LRP5: variants seen among roughly 807,000 people sequenced by gnomAD.
LRP5 encodes the protein LDL receptor related protein 5, also known as low-density lipoprotein receptor-related protein 5.
A neutral mutation model predicts 154.1 loss-of-function variants in LRP5; 62 were observed. The observed-to-expected ratio is 0.40, with a 90% CI of 0.33 to 0.50. LRP5 has a LOEUF of 0.50. LRP5 is among the 20% of genes least tolerant of loss of function. The probability of loss-of-function intolerance (pLI) is 0.55; values close to 1 mark genes in which losing one functional copy is unlikely to be tolerated. For missense variants in LRP5, 1,915 were observed against 2,336.7 expected (o/e 0.82, Z 3.72); for synonymous variants, 966 against 1,011.5 (o/e 0.96, Z 0.85).
intron 7 of LRP5, among the ~76,000 whole-genome samples, chr11:68,396,629 C>T (rs1417518545): frequency 9.2e-5 from 14 of 152,180 alleles, no homozygotes; most frequent in African/African-American, 2.2e-4. Flanking sequence ...GGAGCGGAGA[C>T]GGCGGATGGG....
At chr11:68,421,078 C>T (rs2098665311) in intron 13 of LRP5, among the ~76,000 whole-genome samples, 1 of 151,622 alleles carries the variant, frequency 6.6e-6, no homozygotes, top group Non-Finnish European at 1.5e-5. Flanking sequence ...TACCAAAAAA[C>T]TAGCCAGGTG....
rs1332968937 is a variant in LRP5, at chr11:68,353,109, CGAGCCAACTGTCCCTGTT to C, written c.489-4540_489-4523del. 2.6e-5 allele frequency among the ~76,000 whole-genome samples: 4 copies of C among 152,128 alleles called. No individual in the cohort carries two copies. Among genetic ancestry groups the C allele is most frequent in the African/African-American group, 9.7e-5 (4 of 41,408 alleles). On this transcript the variant is annotated intron_variant, in intron 2 of 22. Coordinates refer to ENST00000294304, the MANE Select transcript of LRP5 (RefSeq NM_002335.4). This position sits in a 1 kb window ranked among gnomAD's most constrained non-coding sequence, Gnocchi z 4.5. The stretch of plus-strand genomic sequence containing the variant: ...GCTGGCTTTGCCTGCATCATCTCTG[CGAGCCAACTGTCCCTGTT>C]TGGCTCTGGCTTTTCTTAACTATTT...
chr11:68,422,738 C>G (rs1565100002), intron 13 of LRP5, among the ~76,000 whole-genome samples: 2 of 151,882 alleles, frequency 1.3e-5, no homozygotes. Flanking sequence ...CACTCACCTG[C>G]CCCTACCCAC....
intron 7 of LRP5, among the ~76,000 whole-genome samples, chr11:68,398,688 T>G (rs1363880618): frequency 6.7e-6 from 1 of 148,894 alleles, no homozygotes; most frequent in African/African-American, 2.5e-5. Context: ...CCCATGAAAA[T>G]TATATGGAAT....
At chr11:68,343,639 C>T (rs747478211) in intron 1 of LRP5, among the ~76,000 whole-genome samples, 8 of 152,142 alleles carry the variant, frequency 5.3e-5, no homozygotes, top group Non-Finnish European at 4.4e-5. Flanking sequence ...CTGGGTGTGC[C>T]GCGGGTGTCC....
At chr11:68,308,075 T>C (rs1295857527), upstream of LRP5, among the ~76,000 whole-genome samples, 1 of 152,212 alleles carries the variant, frequency 6.6e-6, no homozygotes, top group Non-Finnish European at 1.5e-5. Context: ...CCTGGCCTGC[T>C]CCTGGGGCAG....
At chr11:68,366,661 A>G (rs1235122763) in intron 5 of LRP5, among the ~76,000 whole-genome samples, 1 of 152,136 alleles carries the variant, frequency 6.6e-6, no homozygotes, top group Non-Finnish European at 1.5e-5. Flanking sequence ...AGAGCAGGGC[A>G]TCTTTAATGA....
At chr11:68,422,092 T>G (rs1298171883) in intron 13 of LRP5, among the ~76,000 whole-genome samples, 2 of 151,540 alleles carry the variant, frequency 1.3e-5, no homozygotes, top group Non-Finnish European at 2.9e-5. Flanking sequence ...CATACTGAGC[T>G]ATTGTTTTTT....
At chr11:68,367,402 C>T (rs1223324918) in intron 5 of LRP5, among the ~76,000 whole-genome samples, 1 of 152,164 alleles carries the variant, frequency 6.6e-6, no homozygotes, top group Non-Finnish European at 1.5e-5. Context: ...TTGCTGCTGC[C>T]CCATACCTGG....
At position 68,448,909 on chromosome 11, in the gene LRP5, T is replaced by G. The variant is rs767021396; in HGVS notation, c.4687T>G (p.Tyr1563Asp). The G allele has an allele frequency of 6.2e-7, 1 of 1,613,490 alleles. No homozygotes were observed. The highest frequency in any genetic ancestry group is 1.3e-5 in the African/African-American group (1 of 74,838). ...SASRWKASKY[Y>D]LDLNSDSDPY... ...CAGCCGCTGGAAGGCCAGCAAGTAC[T>G]ACCTGGATTTGAACTCGGACTCAGA... The change falls in exon 23 of 23, where the codon TAC becomes GAC. Residue 1563 changes from tyrosine (Y) to aspartate (D), a missense_variant. By Grantham distance (160) the Tyr-to-Asp change is radical. This residue lies in a region of LRP5 where 1,094 missense variants were observed against 1,210.1 expected (regional missense o/e 0.90). Transcript: ENST00000294304.
chr11:68,425,768 CGA>C (rs1271791201), intron 15 of LRP5, among the ~76,000 whole-genome samples: 1 of 151,752 alleles, frequency 6.6e-6, no homozygotes, highest in African/African-American at 2.4e-5. Context: ...GCCTTCATCC[CGA>C]GCCCAGCCCA....
rs528303864 is a variant in LRP5 at position 68,413,574 on chromosome 11, C to G, written c.2504-115C>G. ...TCCAAGGTGGCCAAACACTTTAAGGCATTCATGTGGTCGCTAGGCTGCAGG... is the reference window on the plus strand; with the variant it reads ...TCCAAGGTGGCCAAACACTTTAAGGGATTCATGTGGTCGCTAGGCTGCAGG... On this transcript the variant is annotated intron_variant, in intron 11 of 22. Transcript: ENST00000294304. This position sits in a 1 kb window ranked among gnomAD's most constrained non-coding sequence, Gnocchi z 5.1. 1 of 900,094 alleles carries G rather than the reference C, an allele frequency of 1.1e-6. No homozygotes were observed. Among genetic ancestry groups the G allele is most frequent in the African/African-American group, 1.6e-5 (1 of 61,452 alleles). 55.8% of individuals were successfully genotyped at this position (900,094 alleles called of 1,614,324 possible).
At chr11:68,378,414 G>A (rs1322690260) in intron 5 of LRP5, among the ~76,000 whole-genome samples, 3 of 151,860 alleles carry the variant, frequency 2.0e-5, no homozygotes, top group Non-Finnish European at 2.9e-5. Context: ...CCTGGACACC[G>A]AATGAGCCGT....
intron 10 of LRP5, among the ~76,000 whole-genome samples, chr11:68,411,210 T>C (rs1242863723): frequency 6.6e-6 from 1 of 152,154 alleles, no homozygotes; most frequent in African/African-American, 2.4e-5. Flanking sequence ...GCCTTACGAG[T>C]GAGCCACTGT....
intron 1 of LRP5, among the ~76,000 whole-genome samples, chr11:68,332,901 G>C (rs996780256): frequency 2.0e-5 from 3 of 152,180 alleles, no homozygotes; most frequent in African/African-American, 7.2e-5. Flanking sequence ...ATGTCAGCAA[G>C]TATCCCACTC....
chr11:68,421,729 G>A (rs1047293727), intron 13 of LRP5, among the ~76,000 whole-genome samples: 2 of 146,642 alleles, frequency 1.4e-5, no homozygotes, highest in South Asian at 4.3e-4. Flanking sequence ...TGTGTGGTGT[G>A]TGTGTGGTGT....
At chr11:68,442,849 C>T (rs1434477114) in intron 21 of LRP5, among the ~76,000 whole-genome samples, 3 of 152,230 alleles carry the variant, frequency 2.0e-5, no homozygotes, top group Admixed American at 6.5e-5. Context: ...GGCCATCCAA[C>T]TCACAACCAC....
chr11:68,402,726 G>C (rs1434008102), intron 7 of LRP5, among the ~76,000 whole-genome samples: 1 of 152,212 alleles, frequency 6.6e-6, no homozygotes, highest in Non-Finnish European at 1.5e-5. Flanking sequence ...TGCTGCACCT[G>C]GGGCAGGCAT....
Position 68,348,045 on chromosome 11 carries a change from C to G in LRP5, c.290C>G (p.Ala97Gly). ...CAGACCTACCTGAACCAGACGGGGGCCGCCGTGCAGAACGTGGTCATCTCC... is the reference window on the plus strand; with the variant it reads ...CAGACCTACCTGAACCAGACGGGGGGCGCCGTGCAGAACGTGGTCATCTCC... ...IKQTYLNQTG[A>G]AVQNVVISGL... The change falls in exon 2 of 23, where the codon GCC (alanine) becomes GGC (glycine). Residue 97 changes from alanine (A) to glycine (G), a missense_variant. Ala to Gly is a moderately conservative substitution (Grantham distance 60). Around this residue, in one of 3 missense-constraint regions of LRP5, gnomAD observed 773 missense variants for 1,100.9 expected, o/e 0.70. Transcript: ENST00000294304. 2 of 1,614,102 alleles carry G rather than the reference C, an allele frequency of 1.2e-6. No individual in the cohort carries two copies. The highest frequency in any genetic ancestry group is 1.7e-6 in the Non-Finnish European group (2 of 1,180,022).
Sources: allele counts gnomAD v4.1 joint callset (sites outside exome capture counted in the v4.1 genomes callset), GRCh38; gene constraint gnomAD v4.1.1; regional missense constraint gnomAD v4.1.1; non-coding constraint Gnocchi (gnomAD v3.1); transcripts MANE v1.5; gene names NCBI Gene and HGNC (gene_info 2026-07-23, HGNC 2026-07-21).